The following FILIP1L variants were observed in gnomAD, a reference collection of about 807,000 sequenced individuals.
FILIP1L encodes filamin A interacting protein 1 like, also known as filamin A-interacting protein 1-like.
FILIP1L carries 55 observed loss-of-function variants against 96.6 expected under a neutral mutation model. The ratio of observed to expected loss-of-function variants is 0.57; its 90% CI spans 0.46 to 0.71. The LOEUF is 0.71. Among genes scored for constraint, FILIP1L ranks in the 30% least tolerant of loss-of-function variants. The pLI is 0.00. For synonymous variants in FILIP1L, 467 were observed against 473.9 expected (o/e 0.99, Z 0.19); for missense variants, 1,304 against 1,321.2 (o/e 0.99, Z 0.20).
chr3:99,866,829 A>C (rs1355965160), intron 4 of FILIP1L, among the ~76,000 whole-genome samples: 1 of 152,138 alleles, frequency 6.6e-6, no homozygotes, highest in Non-Finnish European at 1.5e-5. Context: ...CAGGTGGAAA[A>C]GTTTTATTCT....
chr3:100,032,944 T>C (rs886232522), intron 1 of FILIP1L, among the ~76,000 whole-genome samples: 1 of 152,140 alleles, frequency 6.6e-6, no homozygotes, highest in Non-Finnish European at 1.5e-5. Flanking sequence ...TTGAAAATGA[T>C]GCTGAAGTTC....
intron 1 of FILIP1L, among the ~76,000 whole-genome samples, chr3:100,070,641 CT>C (rs943579705): frequency 6.6e-6 from 1 of 151,890 alleles, no homozygotes; most frequent in African/African-American, 2.4e-5. Flanking sequence ...TGTTGTTTTT[CT>C]TTTTTTGAGA....
intron 4 of FILIP1L, among the ~76,000 whole-genome samples, chr3:99,913,903 G>A (rs934430675): frequency 1.3e-5 from 2 of 152,124 alleles, no homozygotes; most frequent in East Asian, 1.9e-4. Context: ...CAGGCATCTC[G>A]GATATTTCAG....
intron 5 of FILIP1L, among the ~76,000 whole-genome samples, chr3:99,834,331 C>G (rs1429184723): frequency 6.6e-6 from 1 of 152,152 alleles, no homozygotes; most frequent in Non-Finnish European, 1.5e-5. Context: ...AAAGAGTTGT[C>G]CAATATCTGA....
At chr3:100,018,763 GA>G (rs1710418829) in intron 1 of FILIP1L, among the ~76,000 whole-genome samples, 1 of 146,756 alleles carries the variant, frequency 6.8e-6, no homozygotes, top group African/African-American at 2.5e-5. Context: ...TCAACAGAGT[GA>G]AAAGGCAGCC....
chr3:100,029,109 T>C (rs2064979704), intron 1 of FILIP1L, among the ~76,000 whole-genome samples: 1 of 152,106 alleles, frequency 6.6e-6, no homozygotes, highest in African/African-American at 2.4e-5. Context: ...AAGGATTGCT[T>C]GAGCTCAGGA....
chr3:100,061,451 G>T (rs1318015826), intron 1 of FILIP1L, among the ~76,000 whole-genome samples: 2 of 152,092 alleles, frequency 1.3e-5, no homozygotes, highest in Non-Finnish European at 2.9e-5. Context: ...ATTTTCCCAG[G>T]CCCTTGTTTT....
chr3:99,835,600 A>G (rs1942864845), intron 5 of FILIP1L, among the ~76,000 whole-genome samples: 1 of 152,202 alleles, frequency 6.6e-6, no homozygotes, highest in African/African-American at 2.4e-5. Context: ...GTGGGAATTA[A>G]TAGGTCTGGG....
chr3:100,113,520 CAAAAGAAAA>C (rs752350313), intron 1 of FILIP1L, among the ~76,000 whole-genome samples: 145 of 152,086 alleles, frequency 9.5e-4, no homozygotes, highest in Admixed American at 2.4e-3. Flanking sequence ...GGTAAACAAA[CAAAAGAAAA>C]AAGATACAAT....
At chr3:99,912,725 T>C (rs1706832142) in intron 4 of FILIP1L, among the ~76,000 whole-genome samples, 1 of 152,226 alleles carries the variant, frequency 6.6e-6, no homozygotes, top group African/African-American at 2.4e-5. Context: ...TACATGGATA[T>C]ACCACAGTTT....
At chr3:99,856,489 A>G (rs1031077794) in intron 4 of FILIP1L, among the ~76,000 whole-genome samples, 1 of 152,230 alleles carries the variant, frequency 6.6e-6, no homozygotes, top group Non-Finnish European at 1.5e-5. Context: ...ATCCGCTCCA[A>G]TAAAAATGGG....
chr3:100,109,213 A>AT (rs776916875), intron 1 of FILIP1L, among the ~76,000 whole-genome samples: 11 of 151,920 alleles, frequency 7.2e-5, no homozygotes, highest in Non-Finnish European at 1.5e-4. Context: ...GTGTGTTTTA[A>AT]TATCCTAAAA....
intron 1 of FILIP1L, among the ~76,000 whole-genome samples, chr3:99,994,972 C>A (rs970392745): frequency 1.5e-4 from 23 of 152,142 alleles, no homozygotes; most frequent in African/African-American, 5.6e-4. Flanking sequence ...CACAGCCAAA[C>A]CCTATCATTC....
intron 4 of FILIP1L, among the ~76,000 whole-genome samples, chr3:99,919,814 T>C (rs1421762579): frequency 6.6e-6 from 1 of 152,346 alleles, no homozygotes; most frequent in South Asian, 2.1e-4. Flanking sequence ...TTGTTCTTCA[T>C]TGAAACTTAA....
At position 99,849,272 on chromosome 3, in the gene FILIP1L, T is replaced by A. The variant is rs749474483; in HGVS notation, c.2404A>T (p.Thr802Ser). The A allele has an allele frequency of 6.2e-7, 1 of 1,614,190 alleles. No homozygotes were observed. The highest frequency in any genetic ancestry group is 8.5e-7 in the Non-Finnish European group (1 of 1,180,016). Residue 802 changes from threonine (T) to serine (S), a missense_variant, in exon 5 of 6, where the codon ACA becomes TCA. Physicochemically the swap from Thr to Ser is moderately conservative, Grantham distance 58 (BLOSUM62 1). Coordinates refer to ENST00000477258, the MANE Select transcript of FILIP1L (RefSeq NM_001387850.1). ...DPQVFSKEVQ[T>S]EAVDNEPPDY... ...GGTGGTTCATTGTCTACTGCTTCTG[T>A]CTGAACTTCTTTAGAAAATACTTGA...
rs555942350 is a variant in FILIP1L at position 100,104,149 on chromosome 3, G to A, written c.-11+9904C>T. Among the ~76,000 whole-genome samples the A allele has an allele frequency of 6.6e-5, 10 of 152,292 alleles. No homozygotes were observed. The East Asian group carries it at 1.7e-3, about 26-fold the overall frequency. ...TTGGAGAGCACAGGTTACAATGAGA[G>A]TGGCCCTCTCTCACCCCCACCCCCA... On this transcript the variant is annotated intron_variant, in intron 1 of 5. Transcript: ENST00000477258.
intron 1 of FILIP1L, among the ~76,000 whole-genome samples, chr3:100,081,918 C>T (rs896969773): frequency 2.6e-5 from 4 of 152,114 alleles, no homozygotes; most frequent in African/African-American, 9.7e-5. Context: ...TGTCTCCAGA[C>T]ACTGTCAGAT....
chr3:100,054,467 C>T (rs981810513), intron 1 of FILIP1L, among the ~76,000 whole-genome samples: 1 of 148,588 alleles, frequency 6.7e-6, no homozygotes, highest in African/African-American at 2.5e-5. Context: ...TGACCTGCTT[C>T]GTTCATTATA....
intron 4 of FILIP1L, among the ~76,000 whole-genome samples, chr3:99,897,290 C>G (rs547700084): frequency 2.6e-5 from 4 of 152,102 alleles, no homozygotes; most frequent in African/African-American, 4.8e-5. Context: ...ACCCAGGAGG[C>G]CTCCGCGGGA....
Sources: gnomAD v4.1 joint callset for allele counts (sites outside exome capture counted in the v4.1 genomes callset) on GRCh38, gnomAD v4.1.1 for gene constraint, MANE v1.5 for transcripts, NCBI Gene and HGNC (gene_info 2026-07-23, HGNC 2026-07-21) for gene names.